Variants in TCF7L1 observed in about 807,000 individuals in gnomAD.
TCF7L1 encodes the protein transcription factor 7 like 1, also known as transcription factor 7-like 1.
TCF7L1 carries 18 observed loss-of-function variants against 63.7 expected under a neutral mutation model. That is an observed-to-expected ratio of 0.28 (90% CI 0.20 to 0.42). The LOEUF (loss-of-function observed/expected upper bound fraction) is 0.42, where lower values mean the gene tolerates loss of function less well. Among genes scored for constraint, TCF7L1 ranks in the 10% least tolerant of loss-of-function variants. The pLI is 1.00. For synonymous variants in TCF7L1, 355 were observed against 340.9 expected, an observed-to-expected ratio of 1.04 and a Z score of -0.46; for missense variants, 654 against 779.3, an observed-to-expected ratio of 0.84 and a Z score of 1.91.
At chr2:85,197,436 C>T (rs1679183944) in intron 3 of TCF7L1, among the ~76,000 whole-genome samples, 1 of 152,038 alleles carries the variant, frequency 6.6e-6, no homozygotes, top group South Asian at 2.1e-4. Flanking sequence ...TGGGGTGGCA[C>T]AAATAGGCAG....
Position 85,134,528 on chromosome 2 carries a change from T to G in TCF7L1, c.441+78T>G. The G allele has an allele frequency of 5.4e-6, 8 of 1,492,606 alleles. No homozygotes were observed. Among genetic ancestry groups the G allele is most frequent in the African/African-American group, 2.8e-5 (2 of 71,124 alleles). The allele number at this position is 1,492,606 out of a possible 1,614,324, so 92.5% of individuals were successfully genotyped here. On this transcript the variant is annotated intron_variant, in intron 3 of 11. Coordinates refer to ENST00000282111, the MANE Select transcript of TCF7L1 (RefSeq NM_031283.3). This position sits in a 1 kb window ranked among gnomAD's most constrained non-coding sequence, Gnocchi z 5.0. ...TGCGCCCCCGGGCTTGGCCATGGAG[T>G]GGGGGATGGGGCCTTCTGCGCCGAT... is the stretch of plus-strand genomic sequence containing the variant.
chr2:85,159,121 T>A (rs1678222440), intron 3 of TCF7L1, among the ~76,000 whole-genome samples: 1 of 152,134 alleles, frequency 6.6e-6, no homozygotes, highest in Non-Finnish European at 1.5e-5. Context: ...AGAAGCAGGC[T>A]CCAGCTTCAG....
Position 85,306,180 on chromosome 2 carries a change from TAACCTAC to T in TCF7L1, c.990-21_990-15del. 1 of 1,613,672 alleles carries T rather than the reference TAACCTAC, an allele frequency of 6.2e-7. No homozygotes were observed. The highest frequency in any genetic ancestry group is 8.5e-7 in the Non-Finnish European group (1 of 1,179,772). On this transcript the variant is annotated intron_variant, in intron 8 of 11. Transcript: ENST00000282111. The surrounding 1 kb of genome is among the most constrained non-coding windows in gnomAD (Gnocchi z 4.3). ...ATGAGTTGTGTGACACCTGACATGC[TAACCTAC>T]AACCACGTGCCTTCCCAGGAAATCA...
At chr2:85,302,389 G>C in intron 4 of TCF7L1, 95 bp from the exon 5 acceptor site, 1 of 1,567,242 alleles carries the variant, frequency 6.4e-7, no homozygotes, top group Non-Finnish European at 8.7e-7. Context: ...ATGTTGCCTG[G>C]AAAATACCTG....
intron 4 of TCF7L1, among the ~76,000 whole-genome samples, chr2:85,298,866 G>A (rs1681895413): frequency 6.6e-6 from 1 of 151,984 alleles, no homozygotes; most frequent in African/African-American, 2.4e-5. Flanking sequence ...ACTTTTATTG[G>A]GACAGAAGCC....
At chr2:85,290,933 G>A (rs564219848) in intron 4 of TCF7L1, among the ~76,000 whole-genome samples, 10 of 152,340 alleles carry the variant, frequency 6.6e-5, no homozygotes, top group South Asian at 2.1e-4. Context: ...GGCCCTGGGC[G>A]GCAGCCACAC....
intron 11 of TCF7L1, among the ~76,000 whole-genome samples, chr2:85,308,583 C>T (rs1573037479): frequency 6.6e-6 from 1 of 150,436 alleles, no homozygotes; most frequent in South Asian, 2.1e-4. Context: ...CCCCTCCTCC[C>T]TTCCTTCCTT....
At chr2:85,168,497 G>T (rs1269111282) in intron 3 of TCF7L1, among the ~76,000 whole-genome samples, 1 of 152,152 alleles carries the variant, frequency 6.6e-6, no homozygotes, top group African/African-American at 2.4e-5. Context: ...TGGTGTGGGG[G>T]TGTCGGGGAG....
rs144847789 is a variant in TCF7L1, at chr2:85,309,336, C to A, written c.1641C>A (p.Pro547=). 6.2e-7 allele frequency: 1 copy of A among 1,612,878 alleles called. No homozygotes were observed. The highest frequency in any genetic ancestry group is 8.5e-7 in the Non-Finnish European group (1 of 1,179,768). Residue 547 remains proline (P), a synonymous_variant, in exon 12 of 12, where the codon CCC becomes CCA. Transcript: ENST00000282111. The part of the protein sequence containing the change: ...SQPPLLSRPL[P]LGSMPTALLA... ...CTCCCCTCCTGTCCCGGCCCCTCCC[C>A]CTTGGGTCCATGCCCACAGCTCTGC... is the stretch of plus-strand genomic sequence containing the variant.
intron 3 of TCF7L1, among the ~76,000 whole-genome samples, chr2:85,166,706 C>T (rs1465117145): frequency 6.6e-6 from 1 of 152,184 alleles, no homozygotes; most frequent in African/African-American, 2.4e-5. Flanking sequence ...TGATACAAAT[C>T]CCAGAGCACA....
chr2:85,204,497 A>G (rs1679350862), intron 3 of TCF7L1, among the ~76,000 whole-genome samples: 1 of 152,152 alleles, frequency 6.6e-6, no homozygotes, highest in Admixed American at 6.5e-5. Flanking sequence ...TTTCTCCAGC[A>G]TAGATTGCTA....
At chr2:85,142,767 A>G (rs1677776713) in intron 3 of TCF7L1, among the ~76,000 whole-genome samples, 1 of 152,216 alleles carries the variant, frequency 6.6e-6, no homozygotes, top group Non-Finnish European at 1.5e-5. Context: ...GGGAACCATG[A>G]GGGGAGTGAA....
intron 3 of TCF7L1, among the ~76,000 whole-genome samples, chr2:85,279,339 G>T (rs980056715): frequency 6.6e-6 from 1 of 152,200 alleles, no homozygotes; most frequent in Non-Finnish European, 1.5e-5. Flanking sequence ...CGGGAGGATT[G>T]CTTGAGCCCA....
At chr2:85,202,364 T>G (rs1015152331) in intron 3 of TCF7L1, among the ~76,000 whole-genome samples, 1 of 152,208 alleles carries the variant, frequency 6.6e-6, no homozygotes, top group African/African-American at 2.4e-5. Flanking sequence ...TTAAATACAT[T>G]ATTTGCAAAT....
At chr2:85,199,675 C>G (rs2104275951) in intron 3 of TCF7L1, among the ~76,000 whole-genome samples, 1 of 152,206 alleles carries the variant, frequency 6.6e-6, no homozygotes, top group Admixed American at 6.5e-5. Context: ...TGGGGTATGC[C>G]AGTTGGATAT....
In TCF7L1 at chr2:85,229,654, G is replaced by A. The variant is rs144813815; in HGVS notation, c.442-53841G>A. Among the ~76,000 whole-genome samples, 72 of 152,246 alleles carry A rather than the reference G, an allele frequency of 4.7e-4. No individual in the cohort carries two copies. In the East Asian group the frequency reaches 0.012, roughly 25 times the overall value. The stretch of plus-strand genomic sequence containing the variant: ...GTTGATTAAAGAAAATTTGGAGATT[G>A]GGGGAAGATTTTTTTAAATTTTACT... On this transcript the variant is annotated intron_variant, in intron 3 of 11. Coordinates refer to ENST00000282111, the MANE Select transcript of TCF7L1 (RefSeq NM_031283.3).
At chr2:85,285,913 C>T (rs1055653379) in intron 4 of TCF7L1, among the ~76,000 whole-genome samples, 1 of 152,070 alleles carries the variant, frequency 6.6e-6, no homozygotes, top group Non-Finnish European at 1.5e-5. Flanking sequence ...CACATGAGGC[C>T]GGGCGTGGTG....
chr2:85,196,678 A>C (rs1679165103), intron 3 of TCF7L1, among the ~76,000 whole-genome samples: 1 of 152,196 alleles, frequency 6.6e-6, no homozygotes, highest in South Asian at 2.1e-4. Flanking sequence ...CCCGGACTTT[A>C]TAAGGTTCCA....
In TCF7L1 at chr2:85,134,532, G is replaced by A; in HGVS notation, c.441+82G>A. 6.6e-7 allele frequency: 1 copy of A among 1,508,312 alleles called. No individual in the cohort carries two copies. Among genetic ancestry groups the A allele is most frequent in the South Asian group, 1.3e-5 (1 of 77,928 alleles). 93.4% of individuals were successfully genotyped at this position (1,508,312 alleles called of 1,614,324 possible). ...CCCCCGGGCTTGGCCATGGAGTGGG[G>A]GATGGGGCCTTCTGCGCCGATCCCA... is the stretch of plus-strand genomic sequence containing the variant. On this transcript the variant is annotated intron_variant, in intron 3 of 11. Coordinates refer to ENST00000282111, the MANE Select transcript of TCF7L1 (RefSeq NM_031283.3). The surrounding 1 kb of genome is among the most constrained non-coding windows in gnomAD (Gnocchi z 5.0).
Sources: allele counts gnomAD v4.1 joint callset (sites outside exome capture counted in the v4.1 genomes callset), GRCh38; gene constraint gnomAD v4.1.1; non-coding constraint Gnocchi (gnomAD v3.1); transcripts MANE v1.5; gene names NCBI Gene and HGNC (gene_info 2026-07-23, HGNC 2026-07-21).